THAP4: variants seen among roughly 807,000 people sequenced by gnomAD.
THAP4 encodes the protein THAP domain containing 4.
Under a neutral mutation model 48.1 loss-of-function variants are expected in THAP4, and 18 were observed. The observed-to-expected ratio is 0.37, with a 90% confidence interval of 0.26 to 0.56. The LOEUF (loss-of-function observed/expected upper bound fraction) is 0.56, where lower values mean the gene tolerates loss of function less well. THAP4 is among the 20% of genes least tolerant of loss of function. The pLI is 0.78. For missense variants in THAP4, 656 were observed against 774.9 expected, an observed-to-expected ratio of 0.85 and a Z score of 1.82; for synonymous variants, 345 against 324.9, an observed-to-expected ratio of 1.06 and a Z score of -0.66.
intron 2 of THAP4, among the ~76,000 whole-genome samples, chr2:241,631,229 GC>G (rs1380101350): frequency 6.6e-6 from 1 of 152,152 alleles, no homozygotes; most frequent in African/African-American, 2.4e-5. Context: ...TGTGCTAATA[GC>G]TGTTACCCTG....
chr2:241,636,443 G>A (rs918563326), intron 1 of THAP4, among the ~76,000 whole-genome samples: 2 of 152,302 alleles, frequency 1.3e-5, no homozygotes, highest in African/African-American at 4.8e-5. Context: ...AGCGCAGGAG[G>A]ATGCCGTCCC....
Position 241,633,496 on chromosome 2 carries a change from A to G in THAP4, c.661T>C (p.Phe221Leu). ...TDKSGISMDD[F>L]TPPGSGACKF... ...CACGCCCCAGATCCTGGGGGCGTAA[A>G]GTCATCCATAGAAATGCCACTCTTA... Residue 221 changes from phenylalanine to leucine, a missense_variant, in exon 2 of 6, where the codon TTT (phenylalanine) becomes CTT (leucine). Phe to Leu is a conservative substitution (Grantham distance 22). This residue lies in a region of THAP4 where 391 missense variants were observed against 412.4 expected (regional missense o/e 0.95). Coordinates refer to ENST00000407315, the MANE Select transcript of THAP4 (RefSeq NM_015963.6). This position sits in a 1 kb window ranked among gnomAD's most constrained non-coding sequence, Gnocchi z 7.5. 1.2e-6 allele frequency: 2 copies of G among 1,614,108 alleles called. No individual in the cohort carries two copies. The highest frequency in any genetic ancestry group is 1.7e-6 in the Non-Finnish European group (2 of 1,180,016).
intron 2 of THAP4, chr2:241,617,304 TTTTTC>T (rs1371080400): frequency 4.9e-6 from 4 of 820,092 alleles, no homozygotes; most frequent in African/African-American, 3.4e-5. Flanking sequence ...TCTGATTTCA[TTTTTC>T]TTTTATTGAA....
intron 2 of THAP4, among the ~76,000 whole-genome samples, chr2:241,624,187 T>A (rs1363262158): frequency 1.3e-5 from 2 of 152,190 alleles, no homozygotes; most frequent in South Asian, 4.1e-4. Context: ...TTACAAAGGA[T>A]ATTTTAAAAG....
intron 2 of THAP4, among the ~76,000 whole-genome samples, chr2:241,608,383 T>C (rs565138316): frequency 1.3e-5 from 2 of 152,372 alleles, no homozygotes; most frequent in East Asian, 1.9e-4. Context: ...TTTCCTTTTT[T>C]GTTTTTCTTA....
intron 2 of THAP4, chr2:241,617,280 C>G (rs142708184): frequency 0.024 from 16,778 of 687,312 alleles, 302 homozygotes; most frequent in Middle Eastern, 0.048. Context: ...ACAGGCTTTT[C>G]TAGGCATTTC....
rs2067587234 is a variant in THAP4, at chr2:241,633,092, G to A, written c.1065C>T (p.Asn355=). The change falls in exon 2 of 6, where the codon AAC becomes AAT. Residue 355 remains asparagine, a synonymous_variant. Transcript: ENST00000407315. The surrounding 1 kb of genome is among the most constrained non-coding windows in gnomAD (Gnocchi z 7.5). The stretch of plus-strand genomic sequence containing the variant: ...CCCGCAGGCAGCACACCTGGCTCTT[G>A]TTCTGCCGGGAGGAGAAGCAGTAGG... The part of the protein sequence containing the change: ...LHSYCFSSRQ[N]KSQVCCLREQ... 1 of 1,614,030 alleles carries A rather than the reference G, an allele frequency of 6.2e-7. No individual in the cohort carries two copies. The highest frequency in any genetic ancestry group is 8.5e-7 in the Non-Finnish European group (1 of 1,180,014).
chr2:241,624,972 T>A (rs1045030996), intron 2 of THAP4, among the ~76,000 whole-genome samples: 1 of 152,208 alleles, frequency 6.6e-6, no homozygotes, highest in Non-Finnish European at 1.5e-5. Flanking sequence ...AGACTAAATA[T>A]ATTTTTTTAT....
In THAP4 at chr2:241,628,202, C is replaced by T. The variant is rs369412483; in HGVS notation, c.1240+4715G>A. On this transcript the variant is annotated intron_variant, in intron 2 of 5. Coordinates refer to ENST00000407315, the MANE Select transcript of THAP4 (RefSeq NM_015963.6). ...GTCACCCTTCTTTCCTGAACAACCCCTCAGCCTTCCCCTGGACCCGCCTCG... is the reference window on the plus strand; with the variant it reads ...GTCACCCTTCTTTCCTGAACAACCCTTCAGCCTTCCCCTGGACCCGCCTCG... Among the ~76,000 whole-genome samples the T allele has an allele frequency of 1.8e-4, 27 of 152,078 alleles. No individual in the cohort carries two copies. In the East Asian group the frequency reaches 3.7e-3, roughly 21 times the overall value.
At chr2:241,626,468 C>T (rs1046877854) in intron 2 of THAP4, among the ~76,000 whole-genome samples, 7 of 150,868 alleles carry the variant, frequency 4.6e-5, no homozygotes, top group African/African-American at 9.7e-5. Flanking sequence ...CAAAACAAAA[C>T]AAAAAAACAA....
chr2:241,591,330 C>T (rs1366936580), intron 5 of THAP4, among the ~76,000 whole-genome samples: 2 of 152,088 alleles, frequency 1.3e-5, no homozygotes, highest in Admixed American at 6.6e-5. Context: ...CTGTGGAGCA[C>T]GGGGACTTTC....
At position 241,595,980 on chromosome 2, in the gene THAP4, C is replaced by T. The variant is rs192647504; in HGVS notation, c.1614+5916G>A. On this transcript the variant is annotated intron_variant, in intron 5 of 5. Coordinates refer to ENST00000407315, the MANE Select transcript of THAP4 (RefSeq NM_015963.6). Reference sequence around the variant, plus strand: ...AATGGAGCGCGTCCCGTGGGCTGCACGTGGAAAGGATGCTGGAAGCTCACA... The same window carrying T: ...AATGGAGCGCGTCCCGTGGGCTGCATGTGGAAAGGATGCTGGAAGCTCACA... 1.5e-3 allele frequency among the ~76,000 whole-genome samples: 222 copies of T among 152,304 alleles called. 1 individual carries two copies. Among genetic ancestry groups the T allele is most frequent in the South Asian group, 4.3e-3 (21 of 4,832 alleles).
intron 2 of THAP4, among the ~76,000 whole-genome samples, chr2:241,618,005 T>TA (rs1457824377): frequency 2.0e-5 from 3 of 152,160 alleles, no homozygotes; most frequent in Non-Finnish European, 4.4e-5. Context: ...CTCTTTGTGT[T>TA]AGTGACACGT....
At chr2:241,609,653 G>A (rs1262620638) in intron 2 of THAP4, among the ~76,000 whole-genome samples, 6 of 152,202 alleles carry the variant, frequency 3.9e-5, no homozygotes, top group Non-Finnish European at 7.3e-5. Context: ...CGGGCGTGGT[G>A]GCACACGCCT....
intron 5 of THAP4, among the ~76,000 whole-genome samples, chr2:241,594,341 T>C (rs1324367443): frequency 1.3e-5 from 2 of 152,132 alleles, no homozygotes; most frequent in Non-Finnish European, 2.9e-5. Flanking sequence ...TCCAGCACTT[T>C]GGGAGGCCAA....
rs1575041293 is a variant in THAP4, at chr2:241,633,250, G to A, written c.907C>T (p.Pro303Ser). 6.2e-7 allele frequency: 1 copy of A among 1,610,714 alleles called. No individual in the cohort carries two copies. Among genetic ancestry groups the A allele is most frequent in the South Asian group, 1.1e-5 (1 of 91,014 alleles). Residue 303 changes from proline to serine, a missense_variant, in exon 2 of 6, where the codon CCT becomes TCT. Pro to Ser is a moderately conservative substitution (Grantham distance 74, BLOSUM62 -1). This residue lies in a region of THAP4 where 391 missense variants were observed against 412.4 expected (regional missense o/e 0.95). Transcript: ENST00000407315. This position sits in a 1 kb window ranked among gnomAD's most constrained non-coding sequence, Gnocchi z 7.5. ...PQKPSQSPSAPPADVTPKPAT... is the reference protein window; with the variant it reads ...PQKPSQSPSASPADVTPKPAT... ...GGCTTTGGGGTGACGTCGGCAGGAG[G>A]GGCAGAGGGGCTCTGGGAAGGCTTC...
intron 2 of THAP4, among the ~76,000 whole-genome samples, chr2:241,622,811 C>G (rs1160857275): frequency 2.0e-5 from 3 of 152,066 alleles, no homozygotes; most frequent in African/African-American, 7.2e-5. Flanking sequence ...CTATGTTGCC[C>G]AGGCTGGTCT....
chr2:241,633,998 T>G lies in THAP4; in HGVS notation c.159A>C (p.Ser53=), dbSNP rs776699758. 5.0e-6 allele frequency: 8 copies of G among 1,614,018 alleles called. No individual in the cohort carries two copies. Among genetic ancestry groups the G allele is most frequent in the Non-Finnish European group, 6.8e-6 (8 of 1,180,030 alleles). ...QRDNWTPTKY[S]FLCSEHFTKD... ...TGGTGAAATGCTCACTACAGAGAAA[T>G]GAATACTTAGTGGGAGTCCAGTTAT... Residue 53 remains serine (S), a synonymous_variant, in exon 2 of 6, where the codon TCA becomes TCC. Coordinates refer to ENST00000407315, the MANE Select transcript of THAP4 (RefSeq NM_015963.6). This position sits in a 1 kb window ranked among gnomAD's most constrained non-coding sequence, Gnocchi z 7.5.
intron 2 of THAP4, among the ~76,000 whole-genome samples, chr2:241,608,356 C>A: frequency 6.6e-6 from 1 of 152,284 alleles, no homozygotes; most frequent in East Asian, 1.9e-4. Context: ...TCCAGACTGG[C>A]CTGTGGTCTT....
Sources: allele counts gnomAD v4.1 joint callset (sites outside exome capture counted in the v4.1 genomes callset), GRCh38; gene constraint gnomAD v4.1.1; regional missense constraint gnomAD v4.1.1; non-coding constraint Gnocchi (gnomAD v3.1); transcripts MANE v1.5; gene names NCBI Gene and HGNC (gene_info 2026-07-23, HGNC 2026-07-21).